ECHDC3: variants seen among roughly 807,000 people sequenced by gnomAD.
ECHDC3 encodes the protein enoyl-CoA hydratase domain containing 3, also known as enoyl-CoA hydratase domain-containing protein 3, mitochondrial.
Under a neutral mutation model 17.9 loss-of-function variants are expected in ECHDC3, and 20 were observed. That is an observed-to-expected ratio of 1.12 (90% CI 0.79 to 1.63). The LOEUF is 1.63. Among genes scored for constraint, ECHDC3 ranks in the 40% most tolerant of loss-of-function variants. The probability of loss-of-function intolerance (pLI) is 0.00; values close to 1 mark genes in which losing one functional copy is unlikely to be tolerated. For synonymous variants in ECHDC3, 177 were observed against 149.7 expected, an observed-to-expected ratio of 1.18 and a Z score of -1.33; for missense variants, 407 against 357.7, an observed-to-expected ratio of 1.14 and a Z score of -1.11.
chr10:11,747,157 C>A, intron 1 of ECHDC3, 192 bp from the exon 2 acceptor site: 1 of 552,508 alleles, frequency 1.8e-6, no homozygotes, highest in South Asian at 2.5e-5. Context: ...GCCTGCATTT[C>A]AGGTCGCCTT....
chr10:11,750,891 C>T (rs1232323558), intron 3 of ECHDC3, among the ~76,000 whole-genome samples: 1 of 152,090 alleles, frequency 6.6e-6, no homozygotes, highest in Non-Finnish European at 1.5e-5. Flanking sequence ...TTAAGACATC[C>T]CCATTTGTTT....
At chr10:11,743,578 C>T (rs1292482966) in intron 1 of ECHDC3, among the ~76,000 whole-genome samples, 2 of 152,254 alleles carry the variant, frequency 1.3e-5, no homozygotes, top group Non-Finnish European at 2.9e-5. Context: ...TGCAGACACC[C>T]TTCCAGCCCT....
At chr10:11,747,875 T>C (rs1170706914) in intron 2 of ECHDC3, among the ~76,000 whole-genome samples, 1 of 152,238 alleles carries the variant, frequency 6.6e-6, no homozygotes, top group Non-Finnish European at 1.5e-5. Flanking sequence ...GCAGTGCCTT[T>C]AATGGTGCTG....
At position 11,763,402 on chromosome 10, in the gene ECHDC3, AGCAGCT is replaced by A; in HGVS notation, c.773_778del (p.Gln258_Leu259del). On this transcript the variant is annotated inframe_deletion, in exon 5 of 5. Transcript: ENST00000379215. The surrounding 1 kb of genome is among the most constrained non-coding windows in gnomAD (Gnocchi z 4.9). The stretch of plus-strand genomic sequence containing the variant: ...TCCCTGGGCAAAGCCACCTTCTACA[AGCAGCT>A]GCCCCAGGACCTGGGGACGGCTTAC... 1.3e-6 allele frequency: 1 copy of A among 785,728 alleles called. No individual in the cohort carries two copies. The allele number at this position is 785,728 out of a possible 1,614,324, so 48.7% of individuals were successfully genotyped here.
At chr10:11,749,127 T>A (rs538837255) in intron 2 of ECHDC3, among the ~76,000 whole-genome samples, 3 of 152,292 alleles carry the variant, frequency 2.0e-5, no homozygotes, top group African/African-American at 7.2e-5. Flanking sequence ...CATGGGGGAT[T>A]TTGATGAGCT....
At chr10:11,758,708 A>G (rs1007671533) in intron 4 of ECHDC3, among the ~76,000 whole-genome samples, 1 of 152,236 alleles carries the variant, frequency 6.6e-6, no homozygotes, top group Non-Finnish European at 1.5e-5. Flanking sequence ...GATGGGACCC[A>G]TGACCCTCAC....
chr10:11,759,458 C>T (rs4750103), intron 4 of ECHDC3, among the ~76,000 whole-genome samples: 140,442 of 151,716 alleles, frequency 0.93, 66,014 homozygotes, highest in East Asian at 1. Context: ...CGTTTACGAA[C>T]CAGGAGGCAG....
chr10:11,746,223 G>C (rs1417735028), intron 1 of ECHDC3, among the ~76,000 whole-genome samples: 1 of 151,620 alleles, frequency 6.6e-6, no homozygotes, highest in Non-Finnish European at 1.5e-5. Flanking sequence ...AGCTACTTGG[G>C]AGCCTGAGGC....
chr10:11,755,309 G>C, intron 3 of ECHDC3, 99 bp from the exon 4 acceptor site: 3 of 1,108,702 alleles, frequency 2.7e-6, no homozygotes, highest in Admixed American at 2.6e-5. Flanking sequence ...CTGGGCAACA[G>C]AGTGAGACTC....
intron 3 of ECHDC3, 48 bp from the exon 4 acceptor site, chr10:11,755,360 T>C (rs111758576): frequency 1.1e-5 from 15 of 1,407,222 alleles, no homozygotes; most frequent in African/African-American, 1.0e-4. Context: ...GGCGTTAATG[T>C]CGTGCCTCCC....
intron 4 of ECHDC3, 82 bp downstream of exon 4, chr10:11,755,690 C>A (rs1310418766): frequency 7.5e-6 from 10 of 1,333,110 alleles, no homozygotes; most frequent in African/African-American, 1.4e-5. Flanking sequence ...ATTCAAGATC[C>A]GCTTGTTAAA....
intron 4 of ECHDC3, among the ~76,000 whole-genome samples, chr10:11,761,975 G>T (rs538268956): frequency 2.0e-5 from 3 of 152,106 alleles, no homozygotes; most frequent in East Asian, 3.9e-4. Context: ...GCTCACACCT[G>T]TAATCCTAGC....
At chr10:11,755,250 C>T (rs1033424044) in intron 3 of ECHDC3, 158 bp from the exon 4 acceptor site, 55 of 619,354 alleles carry the variant, frequency 8.9e-5, no homozygotes, top group Non-Finnish European at 9.9e-5. Flanking sequence ...GGCTTGAACT[C>T]GGGAGGAAGA....
intron 3 of ECHDC3, among the ~76,000 whole-genome samples, chr10:11,751,582 T>A (rs1832823432): frequency 6.6e-6 from 1 of 152,204 alleles, no homozygotes; most frequent in Non-Finnish European, 1.5e-5. Flanking sequence ...GATAGAGGTA[T>A]CTGAATTAGC....
In ECHDC3 at chr10:11,755,574, C is replaced by G. The variant is rs1195717620; in HGVS notation, c.557C>G (p.Pro186Arg). 2 of 1,613,716 alleles carry G rather than the reference C, an allele frequency of 1.2e-6. No homozygotes were observed. Among genetic ancestry groups the G allele is most frequent in the East Asian group, 2.2e-5 (1 of 44,878 alleles). The change falls in exon 4 of 5, where the codon CCT (proline) becomes CGT (arginine). Residue 186 changes from proline (P) to arginine (R), a missense_variant. Physicochemically the swap from Pro to Arg is moderately radical, Grantham distance 103 (BLOSUM62 -2). Coordinates refer to ENST00000379215, the MANE Select transcript of ECHDC3 (RefSeq NM_024693.5). ...GVNVGLFCSTPGVALARAVPR... is the reference protein window; with the variant it reads ...GVNVGLFCSTRGVALARAVPR... Reference sequence around the variant, plus strand: ...AACGTCGGGCTCTTCTGTTCTACCCCTGGGGTTGCCTTGGCAAGAGCAGTG... The same window carrying G: ...AACGTCGGGCTCTTCTGTTCTACCCGTGGGGTTGCCTTGGCAAGAGCAGTG...
intron 1 of ECHDC3, among the ~76,000 whole-genome samples, chr10:11,744,622 G>T (rs1443841738): frequency 6.6e-6 from 1 of 152,098 alleles, no homozygotes; most frequent in Non-Finnish European, 1.5e-5. Context: ...TGGAGCTCTC[G>T]GTGCAAGGCA....
Position 11,742,743 on chromosome 10 carries a change from TAAG to T in ECHDC3, c.168_170del (p.Ile56_Arg57delinsMet). The T allele has an allele frequency of 8.1e-7, 1 of 1,232,602 alleles. No individual in the cohort carries two copies. The allele number at this position is 1,232,602 out of a possible 1,614,324, so 76.4% of individuals were successfully genotyped here. On this transcript the variant is annotated inframe_deletion and splice_region_variant, in exon 1 of 5. Transcript: ENST00000379215. The stretch of plus-strand genomic sequence containing the variant: ...ACCAGCGCGCGGCAGCTGGACGGCA[TAAG>T]GTCAGCCCCGGGCCGCGCGGGCTCC...
Position 11,763,416 on chromosome 10 carries a change from G to T in ECHDC3, c.784G>T (p.Asp262Tyr), listed in dbSNP as rs1351882948. Residue 262 changes from aspartate to tyrosine, a missense_variant, in exon 5 of 5, where the codon GAC becomes TAC. Physicochemically the swap from Asp to Tyr is radical, Grantham distance 160 (BLOSUM62 -3). Transcript: ENST00000379215. This position sits in a 1 kb window ranked among gnomAD's most constrained non-coding sequence, Gnocchi z 4.9. The part of the protein sequence containing the change: ...KATFYKQLPQ[D>Y]LGTAYYLTSQ... ...CACCTTCTACAAGCAGCTGCCCCAG[G>T]ACCTGGGGACGGCTTACTACCTCAC... 3 of 795,738 alleles carry T rather than the reference G, an allele frequency of 3.8e-6. No individual in the cohort carries two copies. The South Asian group carries it at 4.0e-5, about 11-fold the overall frequency. 49.3% of individuals were successfully genotyped at this position (795,738 alleles called of 1,614,324 possible). A position where few individuals can be genotyped will look rare whatever the true frequency, so the allele number is the denominator to read the frequency against.
At chr10:11,747,295 C>T (rs940076968) in intron 1 of ECHDC3, 54 bp from the exon 2 acceptor site, 56 of 1,598,686 alleles carry the variant, frequency 3.5e-5, no homozygotes, top group Non-Finnish European at 4.0e-5. Flanking sequence ...TCGCAGGGGT[C>T]CTCACTTGTT....
Sources: gnomAD v4.1 joint callset for allele counts (sites outside exome capture counted in the v4.1 genomes callset) on GRCh38, gnomAD v4.1.1 for gene constraint, Gnocchi (gnomAD v3.1) non-coding constraint, MANE v1.5 for transcripts, NCBI Gene and HGNC (gene_info 2026-07-23, HGNC 2026-07-21) for gene names.